Variants in RGS6 observed in about 807,000 individuals in gnomAD.
RGS6 encodes the protein regulator of G-protein signaling 6.
In RGS6, 30 loss-of-function variants were observed where a neutral mutation model predicts 78.5. The ratio of observed to expected loss-of-function variants is 0.38; its 90% CI spans 0.29 to 0.52. The LOEUF (loss-of-function observed/expected upper bound fraction) is 0.52. Ranked by LOEUF, RGS6 falls within the 20% of genes least tolerant of loss-of-function variation. The pLI is 0.85. For synonymous variants in RGS6, 206 were observed against 206.0 expected, an observed-to-expected ratio of 1.00 and a Z score of 0.00; for missense variants, 495 against 609.7, an observed-to-expected ratio of 0.81 and a Z score of 1.98.
At chr14:72,260,586 G>A (rs10134542) in intron 2 of RGS6, among the ~76,000 whole-genome samples, 85,246 of 151,858 alleles carry the variant, frequency 0.56, 24,368 homozygotes, top group African/African-American at 0.66. Context: ...TCCCATTGCC[G>A]TGGAGAGAAG....
At chr14:72,099,674 T>A (rs1348051047) in intron 2 of RGS6, among the ~76,000 whole-genome samples, 1 of 152,188 alleles carries the variant, frequency 6.6e-6, no homozygotes, top group Non-Finnish European at 1.5e-5. Context: ...CTTGGGACAG[T>A]TGTATTCAGA....
At chr14:72,050,920 C>T (rs558586378) in intron 2 of RGS6, among the ~76,000 whole-genome samples, 20 of 151,924 alleles carry the variant, frequency 1.3e-4, no homozygotes, top group African/African-American at 2.2e-4. Context: ...TACTGAGGGG[C>T]GACTGGATTG....
Position 72,540,157 on chromosome 14 carries a change from CTTT to C in RGS6, c.1422+75_1422+77del, listed in dbSNP as rs56953388. The C allele has an allele frequency of 1.2e-3, 1,609 of 1,292,826 alleles. 1 individual carries two copies. Among genetic ancestry groups the C allele is most frequent in the Non-Finnish European group, 1.5e-3 (1,399 of 955,026 alleles). The allele number at this position is 1,292,826 out of a possible 1,614,324, so 80.1% of individuals were successfully genotyped here. A position where few individuals can be genotyped will look rare whatever the true frequency, so the allele number is the denominator to read the frequency against. ...TGGTTTTGGTTTTTTCTTTCTTCTT[CTTT>C]TTTTTTTTTTTCCCTTTGGTTGTTG... On this transcript the variant is annotated intron_variant, in intron 17 of 17. Coordinates refer to ENST00000553525, the MANE Select transcript of RGS6 (RefSeq NM_001204424.2).
chr14:72,030,969 C>G (rs1413673133), intron 2 of RGS6, among the ~76,000 whole-genome samples: 2 of 147,318 alleles, frequency 1.4e-5, no homozygotes, highest in African/African-American at 5.0e-5. Flanking sequence ...GAAATAAGAA[C>G]TTTAGCAACA....
intron 3 of RGS6, among the ~76,000 whole-genome samples, chr14:72,399,418 A>C (rs1351022721): frequency 2.0e-5 from 3 of 151,870 alleles, no homozygotes; most frequent in African/African-American, 7.3e-5. Context: ...TTTTGAGCCT[A>C]TGTGTGTCTC....
chr14:72,472,906 A>T lies in RGS6; in HGVS notation c.571A>T (p.Ile191Phe). ...DRKKDKTERK[I>F]LDSQERAFWD... ...GAAAAAAGACAAGACAGAAAGGAAA[A>T]TTTTGGATAGTCAAGAACGAGCCTT... Residue 191 changes from isoleucine (I) to phenylalanine (F), a missense_variant, in exon 9 of 18, where the codon ATT (isoleucine) becomes TTT (phenylalanine). Transcript: ENST00000553525. 1 of 1,613,490 alleles carries T rather than the reference A, an allele frequency of 6.2e-7. No homozygotes were observed. The highest frequency in any genetic ancestry group is 2.2e-5 in the East Asian group (1 of 44,828).
intron 2 of RGS6, among the ~76,000 whole-genome samples, chr14:72,017,092 G>A (rs760574229): frequency 2.0e-5 from 3 of 152,030 alleles, no homozygotes; most frequent in Non-Finnish European, 4.4e-5. Context: ...GAGTGCAGTG[G>A]TACAATCATA....
intron 2 of RGS6, among the ~76,000 whole-genome samples, chr14:72,132,439 C>T (rs908421717): frequency 1.3e-5 from 2 of 151,978 alleles, no homozygotes; most frequent in African/African-American, 4.8e-5. Flanking sequence ...CCACCATGCC[C>T]GGCTAGCTTT....
intron 2 of RGS6, among the ~76,000 whole-genome samples, chr14:72,115,127 C>T (rs913219041): frequency 3.9e-5 from 6 of 152,112 alleles, no homozygotes; most frequent in African/African-American, 1.2e-4. Context: ...TGACATGGAA[C>T]GTGTCTCGGA....
chr14:72,362,158 A>G (rs1596283878), intron 3 of RGS6, among the ~76,000 whole-genome samples: 1 of 152,198 alleles, frequency 6.6e-6, no homozygotes, highest in South Asian at 2.1e-4. Flanking sequence ...AAGATGAACA[A>G]AGACTTGACC....
intron 17 of RGS6, among the ~76,000 whole-genome samples, chr14:72,554,369 C>T (rs2097543459): frequency 6.6e-6 from 1 of 152,234 alleles, no homozygotes; most frequent in Non-Finnish European, 1.5e-5. Context: ...TCTCTTGCCG[C>T]TTTGTCCACA....
At chr14:71,924,324 T>C in the RGS6 span, among the ~76,000 whole-genome samples, 1 of 152,252 alleles carries the variant, frequency 6.6e-6, no homozygotes, top group East Asian at 1.9e-4. Flanking sequence ...AATATGCATA[T>C]GTAAAGTATC....
At chr14:72,541,600 T>G in intron 17 of RGS6, 2 of 1,535,634 alleles carry the variant, frequency 1.3e-6, no homozygotes, top group South Asian at 2.4e-5. Flanking sequence ...CTTCCTTCAC[T>G]CCATGATGGC....
chr14:72,421,542 A>T (rs1227381272), intron 3 of RGS6: 3 of 152,028 alleles, frequency 2.0e-5, no homozygotes, highest in African/African-American at 7.3e-5. Context: ...AAGAGGATTT[A>T]GTTTCTCCTG....
At chr14:72,288,638 T>C (rs551662078) in intron 2 of RGS6, among the ~76,000 whole-genome samples, 14 of 152,266 alleles carry the variant, frequency 9.2e-5, no homozygotes, top group African/African-American at 3.4e-4. Flanking sequence ...TAGTATGGAA[T>C]GGTGGGTGAC....
intron 3 of RGS6, among the ~76,000 whole-genome samples, chr14:72,361,978 G>T (rs1014314693): frequency 6.6e-6 from 1 of 152,196 alleles, no homozygotes. Flanking sequence ...CAGGACCACT[G>T]GGGAAGAATG....
chr14:71,926,867 C>T, the RGS6 span, among the ~76,000 whole-genome samples: 1 of 152,190 alleles, frequency 6.6e-6, no homozygotes, highest in African/African-American at 2.4e-5. Flanking sequence ...TATAAAGGAT[C>T]CTTCTTATTG....
the RGS6 span, among the ~76,000 whole-genome samples, chr14:71,916,820 G>C: frequency 6.6e-6 from 1 of 152,200 alleles, no homozygotes; most frequent in East Asian, 1.9e-4. Context: ...TTAAAATGCA[G>C]ATTCCCAGAA....
chr14:72,484,384 G>A (rs2096448347), intron 12 of RGS6, among the ~76,000 whole-genome samples: 1 of 151,984 alleles, frequency 6.6e-6, no homozygotes, highest in Non-Finnish European at 1.5e-5. Flanking sequence ...CCTTTTTCCT[G>A]GAGCCTAGCC....
Sources: allele counts gnomAD v4.1 joint callset (sites outside exome capture counted in the v4.1 genomes callset), GRCh38; gene constraint gnomAD v4.1.1; transcripts MANE v1.5; gene names NCBI Gene and HGNC (gene_info 2026-07-23, HGNC 2026-07-21).